The following MAML2 variants were observed in gnomAD, a reference collection of about 807,000 sequenced individuals.
The protein encoded by MAML2 is mastermind like transcriptional coactivator 2, also known as mastermind-like protein 2.
MAML2 carries 22 observed loss-of-function variants against 96.1 expected under a neutral mutation model. The observed-to-expected ratio is 0.23, with a 90% CI of 0.16 to 0.33. The LOEUF is 0.33. Among genes scored for constraint, MAML2 ranks in the 10% least tolerant of loss-of-function variants. MAML2 has a pLI of 1.00. For missense variants in MAML2, 1,367 were observed against 1,392.4 expected (o/e 0.98, Z 0.29); for synonymous variants, 561 against 521.3 (o/e 1.08, Z -1.04).
At chr11:96,116,495 C>T (rs1004632658) in intron 1 of MAML2, among the ~76,000 whole-genome samples, 7 of 152,186 alleles carry the variant, frequency 4.6e-5, no homozygotes, top group Non-Finnish European at 1.0e-4. Flanking sequence ...CTGTGTTCTA[C>T]TCTGGTCTGA....
intron 2 of MAML2, among the ~76,000 whole-genome samples, chr11:96,015,273 G>A (rs1201550645): frequency 1.3e-5 from 2 of 152,182 alleles, no homozygotes; most frequent in African/African-American, 4.8e-5. Flanking sequence ...GTACAGTTCA[G>A]TTATATAGGA....
At chr11:96,316,824 G>A (rs757993405) in intron 1 of MAML2, among the ~76,000 whole-genome samples, 1 of 152,094 alleles carries the variant, frequency 6.6e-6, no homozygotes, top group Admixed American at 6.5e-5. Context: ...GCAGTCGAGG[G>A]GAGAGGGGAT....
rs58355909 is a variant in MAML2 at position 96,101,333 on chromosome 11, G to A, written c.514-7816C>T. ...CATTTCATGATAGCATTTTGTCAGC[G>A]TGGACACTTCCATCACTTCCCTGTG... On this transcript the variant is annotated intron_variant, in intron 1 of 4. Coordinates refer to ENST00000524717, the MANE Select transcript of MAML2 (RefSeq NM_032427.4). 7.3e-3 allele frequency among the ~76,000 whole-genome samples: 1,115 copies of A among 152,308 alleles called. 19 individuals are homozygous for A. The highest frequency in any genetic ancestry group is 0.025 in the African/African-American group (1,025 of 41,564).
At chr11:95,984,176 T>C (rs1377814176) in intron 4 of MAML2, among the ~76,000 whole-genome samples, 1 of 152,230 alleles carries the variant, frequency 6.6e-6, no homozygotes, top group African/African-American at 2.4e-5. Context: ...ACTAACATGC[T>C]GTATAGGTTT....
chr11:96,052,641 T>C (rs1428790892), intron 2 of MAML2, among the ~76,000 whole-genome samples: 1 of 152,188 alleles, frequency 6.6e-6, no homozygotes, highest in African/African-American at 2.4e-5. Flanking sequence ...TGATATCACA[T>C]TGATGCCCTG....
intron 3 of MAML2, among the ~76,000 whole-genome samples, chr11:95,988,340 C>T (rs1857860695): frequency 6.6e-6 from 1 of 151,430 alleles, no homozygotes; most frequent in Non-Finnish European, 1.5e-5. Context: ...CTCACTGCAA[C>T]CTCTGCCTCC....
chr11:95,997,738 C>T (rs534306260), intron 2 of MAML2, among the ~76,000 whole-genome samples: 5 of 152,238 alleles, frequency 3.3e-5, no homozygotes, highest in Admixed American at 1.3e-4. Flanking sequence ...CTGAGCTGTA[C>T]ACAAGTGGTC....
intron 1 of MAML2, among the ~76,000 whole-genome samples, chr11:96,206,934 T>C (rs1302982701): frequency 6.6e-6 from 1 of 152,184 alleles, no homozygotes; most frequent in East Asian, 1.9e-4. Flanking sequence ...ACAAAAGTTA[T>C]ATAGACCACG....
chr11:96,260,741 A>G (rs1862737960), intron 1 of MAML2, among the ~76,000 whole-genome samples: 1 of 151,158 alleles, frequency 6.6e-6, no homozygotes, highest in South Asian at 2.1e-4. Flanking sequence ...AAAAATCCCT[A>G]TTTGTAATCA....
intron 1 of MAML2, among the ~76,000 whole-genome samples, chr11:96,100,635 G>C (rs1207264717): frequency 2.6e-5 from 4 of 151,548 alleles, no homozygotes; most frequent in African/African-American, 7.3e-5. Flanking sequence ...TTAGTGTAAG[G>C]GTCAGAGGAG....
chr11:95,982,160 G>A (rs911635910), intron 4 of MAML2, among the ~76,000 whole-genome samples: 10 of 152,250 alleles, frequency 6.6e-5, no homozygotes, highest in East Asian at 1.9e-4. Context: ...CATGGGAAAC[G>A]CAATGCTCTA....
chr11:96,151,641 A>G (rs1860924444), intron 1 of MAML2, among the ~76,000 whole-genome samples: 1 of 152,246 alleles, frequency 6.6e-6, no homozygotes, highest in Non-Finnish European at 1.5e-5. Flanking sequence ...CTGGTTGTCT[A>G]AAAGTATGTA....
chr11:96,108,257 C>T (rs1860058235), intron 1 of MAML2, among the ~76,000 whole-genome samples: 1 of 152,186 alleles, frequency 6.6e-6, no homozygotes, highest in Non-Finnish European at 1.5e-5. Context: ...ACTATCACCA[C>T]CAAACTCCTG....
chr11:96,268,472 C>A (rs1169579086), intron 1 of MAML2, among the ~76,000 whole-genome samples: 2 of 152,080 alleles, frequency 1.3e-5, no homozygotes, highest in South Asian at 2.1e-4. Context: ...GAGAGGGAGA[C>A]CCTGTCTCAA....
intron 2 of MAML2, among the ~76,000 whole-genome samples, chr11:96,012,760 G>A (rs1858285927): frequency 6.6e-6 from 1 of 152,186 alleles, no homozygotes; most frequent in South Asian, 2.1e-4. Context: ...GCAGTGAACA[G>A]AAGATACCTT....
At chr11:96,218,411 G>A (rs990961315) in intron 1 of MAML2, among the ~76,000 whole-genome samples, 5 of 152,094 alleles carry the variant, frequency 3.3e-5, no homozygotes, top group Admixed American at 6.5e-5. Flanking sequence ...TATCCTCAGC[G>A]TACACAGCAT....
chr11:96,183,388 G>C (rs3016488), intron 1 of MAML2, among the ~76,000 whole-genome samples: 77,000 of 129,048 alleles, frequency 0.6, 22,431 homozygotes, highest in East Asian at 0.8. Context: ...CCCTTCCTCC[G>C]TTCCTCCCCC....
At position 95,979,516 on chromosome 11, in the gene MAML2, G is replaced by A. The variant is rs750503717; in HGVS notation, c.2903C>T (p.Ser968Phe). Residue 968 changes from serine (S) to phenylalanine (F), a missense_variant, in exon 5 of 5, where the codon TCT becomes TTT. Physicochemically the swap from Ser to Phe is radical, Grantham distance 155 (BLOSUM62 -2). Transcript: ENST00000524717. Reference protein sequence around the residue: ...TSNTTAPNWASQEGTSKQQEA... With the variant: ...TSNTTAPNWAFQEGTSKQQEA... ...TTGCTGTTTGCTTGTTCCTTCTTGA[G>A]AGGCCCAGTTTGGTGCAGTTGTGTT... The A allele has an allele frequency of 6.2e-7, 1 of 1,613,734 alleles. No homozygotes were observed. Among genetic ancestry groups the A allele is most frequent in the South Asian group, 1.1e-5 (1 of 91,038 alleles).
At chr11:96,164,224 A>T (rs919166879) in intron 1 of MAML2, among the ~76,000 whole-genome samples, 2 of 152,124 alleles carry the variant, frequency 1.3e-5, no homozygotes, top group African/African-American at 4.8e-5. Context: ...ATGAAAGAGC[A>T]TTATATTGCC....
Sources: gnomAD v4.1 joint callset for allele counts (sites outside exome capture counted in the v4.1 genomes callset) on GRCh38, gnomAD v4.1.1 for gene constraint, MANE v1.5 for transcripts, NCBI Gene and HGNC (gene_info 2026-07-23, HGNC 2026-07-21) for gene names.